Variants in RERE observed in about 807,000 individuals in gnomAD.
RERE encodes the protein arginine-glutamic acid dipeptide repeats protein.
RERE carries 40 observed loss-of-function variants against 146.1 expected under a neutral mutation model. The observed-to-expected ratio is 0.27, with a 90% CI of 0.21 to 0.36. RERE has a LOEUF of 0.36. Ranked by LOEUF, RERE falls within the 10% of genes least tolerant of loss-of-function variation. The pLI, the probability that RERE is intolerant of heterozygous loss-of-function variation, is 1.00. For missense variants in RERE, 1,933 were observed against 2,138.7 expected (o/e 0.90, Z 1.90); for synonymous variants, 1,003 against 866.0 (o/e 1.16, Z -2.78).
Position 8,360,896 on chromosome 1 carries a change from G to A in RERE, c.2611C>T (p.Pro871Ser). The A allele has an allele frequency of 6.6e-7, 1 of 1,505,592 alleles. No individual in the cohort carries two copies. The highest frequency in any genetic ancestry group is 1.3e-5 in the South Asian group (1 of 79,262). 93.3% of individuals were successfully genotyped at this position (1,505,592 alleles called of 1,614,324 possible). A position where few individuals can be genotyped will look rare whatever the true frequency, so the allele number is the denominator to read the frequency against. The stretch of plus-strand genomic sequence containing the variant: ...GAGGCCTGGGGAGGGAGGCCAAAGG[G>A]CTGTGGGGGGCCTGGGTGCTGCAGC... Reference protein sequence around the residue: ...PLLQHPGPPQPFGLPPQASQG... With the variant: ...PLLQHPGPPQSFGLPPQASQG... The change falls in exon 18 of 23, where the codon CCC becomes TCC. Residue 871 changes from proline to serine, a missense_variant. Coordinates refer to ENST00000400908, the MANE Select transcript of RERE (RefSeq NM_001042681.2).
intron 1 of RERE, among the ~76,000 whole-genome samples, chr1:8,771,945 G>C (rs1456417466): frequency 6.8e-6 from 1 of 147,942 alleles, no homozygotes; most frequent in African/African-American, 2.5e-5. Flanking sequence ...AAAAAAGAAA[G>C]ATAAAATAGG....
chr1:8,782,632 G>A lies in RERE; in HGVS notation c.-145+34528C>T, dbSNP rs141093762. Among the ~76,000 whole-genome samples, 397 of 152,232 alleles carry A rather than the reference G, an allele frequency of 2.6e-3. 1 individual carries two copies. Among genetic ancestry groups the A allele is most frequent in the African/African-American group, 9.0e-3 (373 of 41,536 alleles). ...CCAAAGTAAGCTCAAGAGGCCAGGC[G>A]CGGTGGCTCACACCTGTAATCCCAG... is the stretch of plus-strand genomic sequence containing the variant. On this transcript the variant is annotated intron_variant, in intron 1 of 22. Transcript: ENST00000400908.
intron 7 of RERE, among the ~76,000 whole-genome samples, chr1:8,536,962 G>C (rs778412729): frequency 2.0e-5 from 3 of 152,114 alleles, no homozygotes; most frequent in African/African-American, 7.2e-5. Flanking sequence ...CAGCACTTTG[G>C]GAAGCTGAGG....
chr1:8,705,976 C>T (rs926172919), intron 1 of RERE, among the ~76,000 whole-genome samples: 4 of 151,674 alleles, frequency 2.6e-5, no homozygotes, highest in African/African-American at 7.3e-5. Flanking sequence ...ATTAGCCGGG[C>T]GTGGTGGCGG....
chr1:8,575,991 T>C (rs1192801301), intron 4 of RERE, among the ~76,000 whole-genome samples: 2 of 152,046 alleles, frequency 1.3e-5, no homozygotes, highest in Non-Finnish European at 2.9e-5. Flanking sequence ...ATATAACCTA[T>C]AATTCTGATT....
At chr1:8,777,997 T>C (rs536990347) in intron 1 of RERE, among the ~76,000 whole-genome samples, 21 of 152,200 alleles carry the variant, frequency 1.4e-4, no homozygotes, top group Admixed American at 1.2e-3. Context: ...CTCCATTTCC[T>C]CATCTGGAAA....
intron 4 of RERE, among the ~76,000 whole-genome samples, chr1:8,593,120 T>C (rs1646514583): frequency 6.6e-6 from 1 of 152,188 alleles, no homozygotes; most frequent in Non-Finnish European, 1.5e-5. Context: ...AGAGTGCTTG[T>C]TCCCCATTCA....
chr1:8,808,268 T>C (rs1305212898), intron 1 of RERE, among the ~76,000 whole-genome samples: 1 of 151,784 alleles, frequency 6.6e-6, no homozygotes, highest in Non-Finnish European at 1.5e-5. Flanking sequence ...TTTAATCACA[T>C]ATTGTTTTTA....
intron 6 of RERE, among the ~76,000 whole-genome samples, chr1:8,543,330 C>T (rs983037067): frequency 3.9e-5 from 6 of 152,038 alleles, no homozygotes; most frequent in African/African-American, 7.2e-5. Context: ...ATTTAATCCC[C>T]GAAAGCCAGA....
At chr1:8,760,193 T>C (rs2124529486) in intron 1 of RERE, among the ~76,000 whole-genome samples, 1 of 152,224 alleles carries the variant, frequency 6.6e-6, no homozygotes, top group Middle Eastern at 3.4e-3. Flanking sequence ...GCCCAGCTAA[T>C]TTTTTGTATT....
At chr1:8,713,798 G>T (rs1025282695) in intron 1 of RERE, among the ~76,000 whole-genome samples, 1 of 152,038 alleles carries the variant, frequency 6.6e-6, no homozygotes, top group Admixed American at 6.6e-5. Context: ...GTGCTAAACA[G>T]TCTTAACATA....
chr1:8,449,365 T>C (rs1557637836), intron 11 of RERE, among the ~76,000 whole-genome samples: 1 of 152,284 alleles, frequency 6.6e-6, no homozygotes, highest in East Asian at 1.9e-4. Flanking sequence ...GAGCCCCATT[T>C]TGGGTTCAGC....
At chr1:8,479,989 C>A (rs186581844) in intron 10 of RERE, among the ~76,000 whole-genome samples, 3 of 152,262 alleles carry the variant, frequency 2.0e-5, no homozygotes, top group Admixed American at 2.0e-4. Flanking sequence ...TTCTGAAACT[C>A]ATGGGCCTGA....
At chr1:8,487,794 G>C (rs746990205) in intron 10 of RERE, among the ~76,000 whole-genome samples, 7 of 152,066 alleles carry the variant, frequency 4.6e-5, no homozygotes, top group Non-Finnish European at 8.8e-5. Flanking sequence ...ACCAAAAAAA[G>C]CCAACATATA....
At chr1:8,801,911 G>A (rs998038710) in intron 1 of RERE, among the ~76,000 whole-genome samples, 13 of 152,108 alleles carry the variant, frequency 8.5e-5, no homozygotes, top group Non-Finnish European at 2.9e-5. Flanking sequence ...TCCATACAGC[G>A]TCCGATTATG....
intron 8 of RERE, among the ~76,000 whole-genome samples, chr1:8,501,848 C>T (rs1465718462): frequency 8.0e-6 from 1 of 125,114 alleles, no homozygotes; most frequent in East Asian, 2.5e-4. Context: ...AAGTGAGGAC[C>T]CCTCTGCCCG....
At chr1:8,788,362 G>GTT (rs372484015) in intron 1 of RERE, among the ~76,000 whole-genome samples, 48 of 134,764 alleles carry the variant, frequency 3.6e-4, no homozygotes, top group East Asian at 4.4e-4. Flanking sequence ...TTATCAAGGA[G>GTT]TTTTTTTTTT....
At chr1:8,758,583 G>A (rs1640693394) in intron 1 of RERE, among the ~76,000 whole-genome samples, 2 of 151,588 alleles carry the variant, frequency 1.3e-5, no homozygotes, top group Non-Finnish European at 2.9e-5. Flanking sequence ...TTTTTGTAGT[G>A]ACGAGGTCTC....
intron 1 of RERE, among the ~76,000 whole-genome samples, chr1:8,668,426 G>C (rs763721421): frequency 3.7e-4 from 57 of 152,114 alleles, no homozygotes; most frequent in Non-Finnish European, 1.8e-4. Context: ...GAGAAAACCT[G>C]GTGTCCACAA....
Sources: allele counts gnomAD v4.1 joint callset (sites outside exome capture counted in the v4.1 genomes callset), GRCh38; gene constraint gnomAD v4.1.1; transcripts MANE v1.5; gene names NCBI Gene and HGNC (gene_info 2026-07-23, HGNC 2026-07-21).